Variants in LINGO1 observed in about 807,000 individuals in gnomAD.
The protein encoded by LINGO1 is leucine rich repeat and Ig domain containing 1, also known as leucine-rich repeat and immunoglobulin-like domain-containing nogo receptor-interacting protein 1.
Under a neutral mutation model 37.3 loss-of-function variants are expected in LINGO1, and 11 were observed. The observed-to-expected ratio is 0.29, with a 90% CI of 0.19 to 0.49. LINGO1 has a LOEUF of 0.49. Among genes scored for constraint, LINGO1 ranks in the 20% least tolerant of loss-of-function variants. LINGO1 has a pLI of 0.99. For missense variants in LINGO1, 585 were observed against 878.2 expected, an observed-to-expected ratio of 0.67 and a Z score of 4.22; for synonymous variants, 387 against 403.0, an observed-to-expected ratio of 0.96 and a Z score of 0.48.
intron 3 of LINGO1, among the ~76,000 whole-genome samples, chr15:77,642,302 C>A (rs1474813875): frequency 1.3e-5 from 2 of 152,166 alleles, no homozygotes; most frequent in Non-Finnish European, 2.9e-5. Context: ...GCATGGGGGA[C>A]CCCCACCCCC....
At chr15:77,669,264 G>C (rs1199318245) in intron 3 of LINGO1, among the ~76,000 whole-genome samples, 1 of 152,206 alleles carries the variant, frequency 6.6e-6, no homozygotes, top group Non-Finnish European at 1.5e-5. Flanking sequence ...GCTTAGGGTC[G>C]CCTCTGCTCC....
rs190756756 is a variant in LINGO1 at position 77,656,038 on chromosome 15, C to T, written c.-13+21051G>A. On this transcript the variant is annotated intron_variant, in intron 3 of 3. Coordinates refer to the LINGO1 transcript ENST00000559893. ...ACTCTGGGAGCAGGGTCTGCGTCCTCTACCCTCTGCTGCTTCCAGTGTGGC... is the reference window on the plus strand; with the variant it reads ...ACTCTGGGAGCAGGGTCTGCGTCCTTTACCCTCTGCTGCTTCCAGTGTGGC... Among the ~76,000 whole-genome samples, 17 of 152,364 alleles carry T rather than the reference C, an allele frequency of 1.1e-4. No homozygotes were observed. In the East Asian group the frequency reaches 3.3e-3, roughly 29 times the overall value.
intron 2 of LINGO1, among the ~76,000 whole-genome samples, chr15:77,679,748 ACT>A (rs773854303): frequency 3.9e-4 from 60 of 152,178 alleles, no homozygotes; most frequent in Middle Eastern, 6.8e-3. Context: ...GTCCTTGTAA[ACT>A]CTGTATCTGG....
At chr15:77,782,284 C>G (rs1337763860) in intron 1 of LINGO1, among the ~76,000 whole-genome samples, 1 of 152,072 alleles carries the variant, frequency 6.6e-6, no homozygotes, top group Non-Finnish European at 1.5e-5. Context: ...GGAGGTGGCT[C>G]TAGGCTCCCA....
At chr15:77,695,058 C>T (rs971522276) in intron 1 of LINGO1, among the ~76,000 whole-genome samples, 1 of 152,110 alleles carries the variant, frequency 6.6e-6, no homozygotes, top group African/African-American at 2.4e-5. Context: ...GTCTTGAGGG[C>T]CAAGTGGGAG....
At chr15:77,659,445 A>G (rs1009522794) in intron 3 of LINGO1, among the ~76,000 whole-genome samples, 1 of 152,022 alleles carries the variant, frequency 6.6e-6, no homozygotes, top group Non-Finnish European at 1.5e-5. Context: ...CCTCATCACA[A>G]TGGACACTCT....
In LINGO1 at chr15:77,751,841, C is replaced by T. The variant is rs190680993; in HGVS notation, c.-256-16788G>A. ...ACTTGAGCTCTAGATGAACAAGGCC[C>T]GAGCCAACAGCAAGGTAAGGCTGTG... is the stretch of plus-strand genomic sequence containing the variant. On this transcript the variant is annotated intron_variant, in intron 1 of 3. Coordinates refer to the LINGO1 transcript ENST00000561686. Among the ~76,000 whole-genome samples, 512 of 152,304 alleles carry T rather than the reference C, an allele frequency of 3.4e-3. 14 individuals carry two copies. The highest frequency in any genetic ancestry group is 0.032 in the Admixed American group (494 of 15,294).
intron 1 of LINGO1, among the ~76,000 whole-genome samples, chr15:77,742,665 T>C (rs954409137): frequency 1.3e-5 from 2 of 152,228 alleles, no homozygotes; most frequent in African/African-American, 4.8e-5. Flanking sequence ...CTGGATATTC[T>C]GCAAAACCAT....
At chr15:77,660,340 T>G (rs2074962548) in intron 3 of LINGO1, among the ~76,000 whole-genome samples, 1 of 152,170 alleles carries the variant, frequency 6.6e-6, no homozygotes, top group African/African-American at 2.4e-5. Flanking sequence ...GTCTGTGTGA[T>G]GATACTCGGC....
At chr15:77,629,760 G>A (rs2074198461) in intron 1 of LINGO1, among the ~76,000 whole-genome samples, 1 of 152,176 alleles carries the variant, frequency 6.6e-6, no homozygotes, top group Non-Finnish European at 1.5e-5. Context: ...GTTCAAGGCA[G>A]ATCATGCTTA....
chr15:77,700,160 T>A (rs1193555819), upstream of LINGO1, among the ~76,000 whole-genome samples: 1 of 152,086 alleles, frequency 6.6e-6, no homozygotes, highest in Non-Finnish European at 1.5e-5. Context: ...CTCCTGCCCA[T>A]CAAACCTGCT....
chr15:77,631,258 G>C (rs2074245600), intron 1 of LINGO1, among the ~76,000 whole-genome samples: 1 of 152,216 alleles, frequency 6.6e-6, no homozygotes, highest in Non-Finnish European at 1.5e-5. Flanking sequence ...GGGAGGGCTG[G>C]GCGAGCAGGA....
At position 77,709,255 on chromosome 15, in the gene LINGO1, G is replaced by A. The variant is rs2075889783; in HGVS notation, c.-194-18354C>T. The stretch of plus-strand genomic sequence containing the variant: ...CCATGGAAAATGGCCTTAAAATGGG[G>A]TGAGCCTCCCATCTCCAGAGGTGTG... On this transcript the variant is annotated intron_variant, in intron 2 of 3. Coordinates refer to the LINGO1 transcript ENST00000561686. Among the ~76,000 whole-genome samples, 3 of 152,312 alleles carry A rather than the reference G, an allele frequency of 2.0e-5. No individual in the cohort carries two copies. The East Asian group carries it at 5.8e-4, about 29-fold the overall frequency.
intron 2 of LINGO1, among the ~76,000 whole-genome samples, chr15:77,687,658 A>G (rs2141243175): frequency 6.6e-6 from 1 of 152,344 alleles, no homozygotes; most frequent in South Asian, 2.1e-4. Flanking sequence ...TGCACTCCCA[A>G]GCCAAAGTGA....
At chr15:77,809,720 A>G (rs1052523404) in intron 1 of LINGO1, among the ~76,000 whole-genome samples, 2 of 152,202 alleles carry the variant, frequency 1.3e-5, no homozygotes, top group African/African-American at 4.8e-5. Context: ...ACCTACAGCC[A>G]GCCATGACCT....
chr15:77,617,527 C>G (rs145572848), intron 1 of LINGO1, among the ~76,000 whole-genome samples: 19 of 152,318 alleles, frequency 1.2e-4, no homozygotes, highest in Middle Eastern at 3.4e-3. Flanking sequence ...GGGCTCAGTG[C>G]AGGAGGGGGA....
intron 2 of LINGO1, among the ~76,000 whole-genome samples, chr15:77,679,952 C>T (rs367855759): frequency 7.9e-5 from 12 of 152,202 alleles, no homozygotes; most frequent in East Asian, 3.8e-4. Context: ...GCCTTTGTAC[C>T]AGAGAATTTT....
intron 2 of LINGO1, among the ~76,000 whole-genome samples, chr15:77,710,718 C>T (rs925944057): frequency 1.3e-5 from 2 of 152,256 alleles, no homozygotes; most frequent in African/African-American, 4.8e-5. Context: ...TCACACAGCC[C>T]ACCTGCGAGG....
chr15:77,625,913 A>T (rs1341697702), intron 1 of LINGO1, among the ~76,000 whole-genome samples: 1 of 152,190 alleles, frequency 6.6e-6, no homozygotes, highest in Non-Finnish European at 1.5e-5. Context: ...GGGAGAGGGA[A>T]GGGAAGGGAC....
Sources: allele counts gnomAD v4.1 joint callset (sites outside exome capture counted in the v4.1 genomes callset), GRCh38; gene constraint gnomAD v4.1.1; transcripts MANE v1.5; gene names NCBI Gene and HGNC (gene_info 2026-07-23, HGNC 2026-07-21).